Variants in TMEM266 observed in about 807,000 individuals in gnomAD.
The protein encoded by TMEM266 is Hv1 related protein 1.
In TMEM266, 33 loss-of-function variants were observed where a neutral mutation model predicts 50.5. That is an observed-to-expected ratio of 0.65 (90% CI 0.50 to 0.87). TMEM266 has a LOEUF of 0.87. Ranked by LOEUF, TMEM266 falls within the 40% of genes least tolerant of loss-of-function variation. The pLI, the probability that TMEM266 is intolerant of heterozygous loss-of-function variation, is 0.00. For missense variants in TMEM266, 655 were observed against 695.1 expected (o/e 0.94, Z 0.65); for synonymous variants, 310 against 292.3 (o/e 1.06, Z -0.62).
At chr15:76,073,137 T>C (rs2036560824) in intron 1 of TMEM266, among the ~76,000 whole-genome samples, 1 of 150,520 alleles carries the variant, frequency 6.6e-6, no homozygotes, top group South Asian at 2.1e-4. Context: ...CACCATGTTG[T>C]TCAGGCTGGT....
intron 1 of TMEM266, among the ~76,000 whole-genome samples, chr15:76,099,659 T>G (rs75300753): frequency 3.2e-4 from 48 of 152,280 alleles, no homozygotes; most frequent in Non-Finnish European, 5.9e-4. Flanking sequence ...ACCCTGGTTG[T>G]CAGGCCCCAG....
At chr15:76,171,332 C>T (rs538597839) in intron 7 of TMEM266, among the ~76,000 whole-genome samples, 2 of 152,366 alleles carry the variant, frequency 1.3e-5, no homozygotes, top group South Asian at 2.1e-4. Flanking sequence ...CACACGTACA[C>T]GCTGAGCTTC....
At chr15:76,201,910 C>CTCATCTCAGAG (rs1318660721) in intron 9 of TMEM266, among the ~76,000 whole-genome samples, 1 of 152,228 alleles carries the variant, frequency 6.6e-6, no homozygotes, top group Non-Finnish European at 1.5e-5. Context: ...TTCCACACCC[C>CTCATCTCAGAG]TCATCTCAGA....
chr15:76,192,100 A>G lies in TMEM266; in HGVS notation c.901A>G (p.Thr301Ala), dbSNP rs1375270266. Residue 301 changes from threonine (T) to alanine (A), a missense_variant, in exon 9 of 11, where the codon ACG becomes GCG. Physicochemically the swap from Thr to Ala is moderately conservative, Grantham distance 58. This residue lies in a region of TMEM266 where 455 missense variants were observed against 401.8 expected (regional missense o/e 1.13). Coordinates refer to ENST00000388942, the MANE Select transcript of TMEM266 (RefSeq NM_152335.3). ...CCGCTTCAAAGTGTTGGAGGCCGGC[A>G]CGTGGGACGAGGAGACGGCGGCCGA... is the stretch of plus-strand genomic sequence containing the variant. 7.0e-7 allele frequency: 1 copy of G among 1,434,196 alleles called. No individual in the cohort carries two copies. Among genetic ancestry groups the G allele is most frequent in the Non-Finnish European group, 9.1e-7 (1 of 1,095,422 alleles). 88.8% of individuals were successfully genotyped at this position (1,434,196 alleles called of 1,614,324 possible).
intron 1 of TMEM266, among the ~76,000 whole-genome samples, chr15:76,130,407 G>A (rs986913587): frequency 3.3e-5 from 5 of 152,112 alleles, no homozygotes; most frequent in Non-Finnish European, 7.4e-5. Context: ...TGGGCATGGC[G>A]GCACACGCCT....
Position 76,202,251 on chromosome 15 carries a change from TG to T in TMEM266, c.1011del (p.Ser339AlafsTer19), listed in dbSNP as rs771548088. ...ACAGCTACATCAGTCAGTATTACAATGGGCCCAGCAGTGGTAAGTCTGGGTT... is the reference window on the plus strand; with the variant it reads ...ACAGCTACATCAGTCAGTATTACAATGGCCCAGCAGTGGTAAGTCTGGGTT... On this transcript the variant is annotated frameshift_variant, in exon 10 of 11. Transcript: ENST00000388942. LOFTEE classifies it low-confidence loss of function (END_TRUNC). The T allele has an allele frequency of 6.2e-7, 1 of 1,613,810 alleles. No homozygotes were observed. Among genetic ancestry groups the T allele is most frequent in the Admixed American group, 1.7e-5 (1 of 59,986 alleles).
chr15:76,107,176 A>G (rs140556556), intron 1 of TMEM266, among the ~76,000 whole-genome samples: 164 of 152,364 alleles, frequency 1.1e-3, no homozygotes, highest in Non-Finnish European at 2.1e-3. Context: ...TTTAACCAAT[A>G]TGTCCAGAGT....
chr15:76,097,497 G>A (rs1247227367), intron 1 of TMEM266, among the ~76,000 whole-genome samples: 1 of 151,962 alleles, frequency 6.6e-6, no homozygotes, highest in Non-Finnish European at 1.5e-5. Context: ...TTCCCTTTGT[G>A]GGTAACCCGA....
chr15:76,134,124 T>C, intron 1 of TMEM266, 44 bp from the exon 2 acceptor site: 2 of 811,974 alleles, frequency 2.5e-6, no homozygotes, highest in Non-Finnish European at 4.0e-6. Context: ...AGGAGGACTT[T>C]GGTTTGGCAT....
chr15:76,126,612 T>G (rs190767572), intron 1 of TMEM266, among the ~76,000 whole-genome samples: 1,958 of 151,358 alleles, frequency 0.013, 22 homozygotes, highest in Non-Finnish European at 0.019. Context: ...GCTCACTGCA[T>G]CCTCCGCCTC....
rs1447965941 is a variant in TMEM266 at position 76,203,762 on chromosome 15, CTG to C, written c.1049_1050del (p.Cys350TyrfsTer30). The C allele has an allele frequency of 6.2e-7, 1 of 1,613,316 alleles. No individual in the cohort carries two copies. The highest frequency in any genetic ancestry group is 2.2e-5 in the East Asian group (1 of 44,884). Reference sequence around the variant, plus strand: ...GCAGACAGCGGTGTCCCAGAGCCAGCTGTGTGTATGGTCACCACGGCCGCAAT... The same window carrying C: ...GCAGACAGCGGTGTCCCAGAGCCAGCTGTGTATGGTCACCACGGCCGCAAT... On this transcript the variant is annotated frameshift_variant, in exon 11 of 11. Transcript: ENST00000388942. LOFTEE classifies it low-confidence loss of function (END_TRUNC).
In TMEM266 at chr15:76,153,362, T is replaced by C. The variant is rs2037872610; in HGVS notation, c.228-3242T>C. 6.6e-6 allele frequency among the ~76,000 whole-genome samples: 1 copy of C among 152,184 alleles called. No homozygotes were observed. Among genetic ancestry groups the C allele is most frequent in the Non-Finnish European group, 1.5e-5 (1 of 68,034 alleles). On this transcript the variant is annotated intron_variant, in intron 3 of 10. Coordinates refer to ENST00000388942, the MANE Select transcript of TMEM266 (RefSeq NM_152335.3). The surrounding 1 kb of genome is among the most constrained non-coding windows in gnomAD (Gnocchi z 4.2). ...TGTCCAAGGCACGAAGGTGAACAAA[T>C]GCCCGGCACCTTCCGTGGAACGTGA... is the stretch of plus-strand genomic sequence containing the variant.
intron 1 of TMEM266, among the ~76,000 whole-genome samples, chr15:76,096,747 CT>C (rs748258500): frequency 3.2e-4 from 48 of 152,080 alleles, no homozygotes; most frequent in Non-Finnish European, 5.3e-4. Flanking sequence ...GTCTAAGTCT[CT>C]TTATAGGTCT....
At chr15:76,191,670 G>T (rs2038572041) in intron 8 of TMEM266, 1 of 347,504 alleles carries the variant, frequency 2.9e-6, no homozygotes, top group Non-Finnish European at 5.2e-6. Flanking sequence ...TCCCCGTCCA[G>T]TGGCCTTTCC....
intron 1 of TMEM266, among the ~76,000 whole-genome samples, chr15:76,064,039 A>C (rs1327297000): frequency 6.6e-6 from 1 of 152,128 alleles, no homozygotes; most frequent in African/African-American, 2.4e-5. Context: ...CCTGGGATGG[A>C]GAAGAGATCT....
intron 1 of TMEM266, among the ~76,000 whole-genome samples, chr15:76,064,454 T>A (rs1476196876): frequency 2.0e-5 from 3 of 152,060 alleles, no homozygotes; most frequent in African/African-American, 7.3e-5. Context: ...CATAGGCACT[T>A]TGAGGACTGA....
chr15:76,173,495 G>T (rs2038219151), intron 7 of TMEM266, among the ~76,000 whole-genome samples: 1 of 152,196 alleles, frequency 6.6e-6, no homozygotes, highest in Non-Finnish European at 1.5e-5. Context: ...TGGGACTACT[G>T]CTGGCTGGTG....
At chr15:76,157,493 T>C (rs758073908) in intron 4 of TMEM266, among the ~76,000 whole-genome samples, 14 of 152,228 alleles carry the variant, frequency 9.2e-5, no homozygotes, top group Non-Finnish European at 1.8e-4. Context: ...TCTTCTGTCC[T>C]GGATGTCCCA....
chr15:76,148,339 G>A (rs1211280634), intron 3 of TMEM266, among the ~76,000 whole-genome samples: 2 of 152,216 alleles, frequency 1.3e-5, no homozygotes, highest in African/African-American at 2.4e-5. Flanking sequence ...AACCTGGAAA[G>A]AGCTGGTGGG....
Sources: allele counts gnomAD v4.1 joint callset (sites outside exome capture counted in the v4.1 genomes callset), GRCh38; gene constraint gnomAD v4.1.1; regional missense constraint gnomAD v4.1.1; non-coding constraint Gnocchi (gnomAD v3.1); transcripts MANE v1.5; gene names NCBI Gene and HGNC (gene_info 2026-07-23, HGNC 2026-07-21).